The following NCAPG variants were observed in gnomAD, a reference collection of about 807,000 sequenced individuals.
The protein encoded by NCAPG is condensin complex subunit 3.
A neutral mutation model predicts 113.1 loss-of-function variants in NCAPG; 69 were observed. The ratio of observed to expected loss-of-function variants is 0.61; its 90% confidence interval spans 0.50 to 0.75. The LOEUF (loss-of-function observed/expected upper bound fraction) is 0.75, where lower values mean the gene tolerates loss of function less well. Ranked by LOEUF, NCAPG falls within the 30% of genes least tolerant of loss-of-function variation. NCAPG has a pLI of 0.00. For missense variants in NCAPG, 1,058 were observed against 1,177.0 expected (o/e 0.90, Z 1.48); for synonymous variants, 370 against 415.8 (o/e 0.89, Z 1.34).
chr4:17,812,162 T>A, intron 1 of NCAPG, 59 bp from the exon 2 acceptor site: 2 of 1,247,364 alleles, frequency 1.6e-6, no homozygotes, highest in Non-Finnish European at 2.3e-6. Flanking sequence ...CTTAGGGTGA[T>A]GTTGGGAATA....
Position 17,843,357 on chromosome 4 carries a change from G to C in NCAPG, c.2980G>C (p.Ala994Pro). The C allele has an allele frequency of 6.2e-7, 1 of 1,612,154 alleles. No homozygotes were observed. Among genetic ancestry groups the C allele is most frequent in the Non-Finnish European group, 8.5e-7 (1 of 1,178,454 alleles). The change falls in exon 21 of 21, where the codon GCC (alanine) becomes CCC (proline). Residue 994 changes from alanine to proline, a missense_variant. Physicochemically the swap from Ala to Pro is conservative, Grantham distance 27 (BLOSUM62 -1). Transcript: ENST00000251496. ...AATGAAGATGAGACTACCAAGACGA[G>C]CCAAAACCGCAGCACTAGAAAAAAG... ...SEMKMRLPRRAKTAALEKSKL... is the reference protein window; with the variant it reads ...SEMKMRLPRRPKTAALEKSKL...
intron 7 of NCAPG, among the ~76,000 whole-genome samples, chr4:17,822,113 T>A (rs1167955531): frequency 6.6e-6 from 1 of 152,036 alleles, no homozygotes; most frequent in Non-Finnish European, 1.5e-5. Flanking sequence ...ATAATTGTAT[T>A]CATGGATTAC....
At chr4:17,816,248 C>T (rs984093904) in intron 5 of NCAPG, among the ~76,000 whole-genome samples, 1 of 152,048 alleles carries the variant, frequency 6.6e-6, no homozygotes, top group African/African-American at 2.4e-5. Context: ...ACCTCATGTG[C>T]GCAGTTCACA....
intron 13 of NCAPG, among the ~76,000 whole-genome samples, chr4:17,834,023 G>T (rs1021657153): frequency 6.6e-6 from 1 of 152,092 alleles, no homozygotes; most frequent in Non-Finnish European, 1.5e-5. Flanking sequence ...ATATAATTCA[G>T]CCTGACTCCA....
Position 17,812,428 on chromosome 4 carries a change from C to G in NCAPG, c.315+4C>G. On this transcript the variant is annotated splice_donor_region_variant and intron_variant, in intron 2 of 20. Coordinates refer to ENST00000251496, the MANE Select transcript of NCAPG (RefSeq NM_022346.5). ...TTTGTTTACTTTTCTCTTAAAGGTA[C>G]TATGAAAATGATAGCTTTGGGGAGG... The G allele has an allele frequency of 6.2e-7, 1 of 1,609,104 alleles. No homozygotes were observed.
At chr4:17,833,255 C>T (rs1329345783) in intron 13 of NCAPG, among the ~76,000 whole-genome samples, 2 of 151,792 alleles carry the variant, frequency 1.3e-5, no homozygotes, top group African/African-American at 2.4e-5. Context: ...CCTGTAATCC[C>T]AGCTACTCAG....
At chr4:17,814,724 A>T (rs1721127982) in intron 3 of NCAPG, 129 bp from the exon 4 acceptor site, 1 of 1,045,240 alleles carries the variant, frequency 9.6e-7, no homozygotes, top group Non-Finnish European at 1.4e-6. Flanking sequence ...GGTTATAGGC[A>T]GTAGCCATCA....
rs1449786672 is a variant in NCAPG, at chr4:17,812,364, AGAT to A, written c.261_263del (p.Asp87del). 5.0e-6 allele frequency: 8 copies of A among 1,613,748 alleles called. No individual in the cohort carries two copies. In the East Asian group the frequency reaches 1.8e-4, roughly 36 times the overall value. On this transcript the variant is annotated inframe_deletion, in exon 2 of 21. Transcript: ENST00000251496. ...CCTCATTTCACCAATCAGATATGGA[AGAT>A]GATGAGGAAGAGGAAGATGGTGGCC...
intron 20 of NCAPG, chr4:17,842,801 G>C (rs973847803): frequency 1.2e-5 from 2 of 167,814 alleles, no homozygotes; most frequent in African/African-American, 2.4e-5. Flanking sequence ...TGTTAGAGCT[G>C]AAAGTTGGTA....
intron 9 of NCAPG, among the ~76,000 whole-genome samples, chr4:17,824,568 A>C (rs1189348490): frequency 6.6e-6 from 1 of 152,080 alleles, no homozygotes; most frequent in Non-Finnish European, 1.5e-5. Flanking sequence ...TGTCTACCCA[A>C]AGGAAGAATA....
Position 17,840,625 on chromosome 4 carries a change from A to G in NCAPG, c.2786A>G (p.Tyr929Cys), listed in dbSNP as rs768837836. The change falls in exon 19 of 21, where the codon TAT becomes TGT. Residue 929 changes from tyrosine to cysteine, a missense_variant. Coordinates refer to ENST00000251496, the MANE Select transcript of NCAPG (RefSeq NM_022346.5). ...TTAATAGAAAAGAATAAAGAAGTAT[A>G]TATGACTCCACTCAGGGGTGTAAAA... is the stretch of plus-strand genomic sequence containing the variant. ...QNEDEKNKEV[Y>C]MTPLRGVKAT... 3 of 1,537,110 alleles carry G rather than the reference A, an allele frequency of 2.0e-6. No homozygotes were observed. The highest frequency in any genetic ancestry group is 1.3e-5 in the South Asian group (1 of 77,146).
chr4:17,811,512 C>G lies in NCAPG; in HGVS notation c.111+324C>G, dbSNP rs1219186136. Among the ~76,000 whole-genome samples the G allele has an allele frequency of 6.6e-6, 1 of 151,214 alleles. No individual in the cohort carries two copies. The highest frequency in any genetic ancestry group is 2.4e-5 in the African/African-American group (1 of 41,204). On this transcript the variant is annotated intron_variant, in intron 1 of 20. Transcript: ENST00000251496. This position sits in a 1 kb window ranked among gnomAD's most constrained non-coding sequence, Gnocchi z 5.3. ...CGTGGAGAGAAACATTTACGACCAC[C>G]GAGGCGATCAGACATCAAATATTGA...
chr4:17,834,375 T>C lies in NCAPG; in HGVS notation c.1961T>C (p.Ile654Thr), dbSNP rs781098286. The C allele has an allele frequency of 6.2e-7, 1 of 1,610,144 alleles. No homozygotes were observed. Among genetic ancestry groups the C allele is most frequent in the African/African-American group, 1.3e-5 (1 of 74,932 alleles). The stretch of plus-strand genomic sequence containing the variant: ...TTTGACCAACTGATGACGTTCGGGA[T>C]TGAACCATTTAAAACTAAAAAAATC... ...AIFDQLMTFGIEPFKTKKIKT... is the reference protein window; with the variant it reads ...AIFDQLMTFGTEPFKTKKIKT... The change falls in exon 14 of 21, where the codon ATT (isoleucine) becomes ACT (threonine). Residue 654 changes from isoleucine (I) to threonine (T), a missense_variant. Transcript: ENST00000251496.
intron 14 of NCAPG, among the ~76,000 whole-genome samples, chr4:17,834,854 ATATCT>A (rs1722030087): frequency 6.6e-6 from 1 of 152,136 alleles, no homozygotes; most frequent in African/African-American, 2.4e-5. Flanking sequence ...TACTTTTTAA[ATATCT>A]TAATTAAATC....
At chr4:17,837,893 G>C in intron 16 of NCAPG, 92 bp downstream of exon 16, 1 of 1,390,360 alleles carries the variant, frequency 7.2e-7, no homozygotes, top group Middle Eastern at 1.8e-4. Flanking sequence ...CTGCATTTTG[G>C]TCTTTAGACT....
intron 13 of NCAPG, 119 bp from the exon 14 acceptor site, chr4:17,834,180 C>A: frequency 1.7e-6 from 1 of 594,642 alleles, no homozygotes; most frequent in Non-Finnish European, 2.8e-6. Context: ...TTTCTTTAGA[C>A]TAGACACTGT....
intron 14 of NCAPG, among the ~76,000 whole-genome samples, chr4:17,835,197 G>A (rs994695063): frequency 6.6e-6 from 1 of 152,086 alleles, no homozygotes; most frequent in African/African-American, 2.4e-5. Flanking sequence ...AGTTAGAAGT[G>A]ATATAACAAA....
chr4:17,825,361 A>G (rs889441724), intron 10 of NCAPG, 21 bp from the exon 11 acceptor site: 22 of 1,566,496 alleles, frequency 1.4e-5, no homozygotes, highest in Non-Finnish European at 1.9e-5. Context: ...CAGTGTTGAA[A>G]CAATTTATAT....
Position 17,840,643 on chromosome 4 carries a change from G to T in NCAPG, c.2804G>T (p.Gly935Val). 1.9e-6 allele frequency: 3 copies of T among 1,558,926 alleles called. No individual in the cohort carries two copies. The highest frequency in any genetic ancestry group is 1.7e-6 in the Non-Finnish European group (2 of 1,153,882). ...NKEVYMTPLR[G>V]VKATQASKST... ...GAAGTATATATGACTCCACTCAGGG[G>T]TGTAAAAGCAACCCAAGCATCAAAG... The change falls in exon 19 of 21, where the codon GGT becomes GTT. Residue 935 changes from glycine (G) to valine (V), a missense_variant. Coordinates refer to ENST00000251496, the MANE Select transcript of NCAPG (RefSeq NM_022346.5).
Sources: allele counts gnomAD v4.1 joint callset (sites outside exome capture counted in the v4.1 genomes callset), GRCh38; gene constraint gnomAD v4.1.1; non-coding constraint Gnocchi (gnomAD v3.1); transcripts MANE v1.5; gene names NCBI Gene and HGNC (gene_info 2026-07-23, HGNC 2026-07-21).